The following PCDH15 variants were observed in gnomAD, a reference collection of about 807,000 sequenced individuals.
The protein encoded by PCDH15 is protocadherin related 15.
In PCDH15, 129 loss-of-function variants were observed where a neutral mutation model predicts 178.5. That is an observed-to-expected ratio of 0.72 (90% CI 0.63 to 0.84). The LOEUF (loss-of-function observed/expected upper bound fraction) is 0.84, where lower values mean the gene tolerates loss of function less well. Ranked by LOEUF, PCDH15 falls within the 40% of genes least tolerant of loss-of-function variation. The probability of loss-of-function intolerance (pLI) is 0.00; values close to 1 mark genes in which losing one functional copy is unlikely to be tolerated. For synonymous variants in PCDH15, 800 were observed against 732.0 expected, an observed-to-expected ratio of 1.09 and a Z score of -1.50; for missense variants, 2,230 against 2,099.9, an observed-to-expected ratio of 1.06 and a Z score of -1.21.
intron 3 of PCDH15, among the ~76,000 whole-genome samples, chr10:54,395,589 T>C (rs1951105708): frequency 6.6e-6 from 1 of 151,956 alleles, no homozygotes; most frequent in Admixed American, 6.6e-5. Context: ...TTATGCATCG[T>C]TTTGATTAAA....
At chr10:55,416,794 T>C (rs1450730915) in intron 2 of PCDH15, among the ~76,000 whole-genome samples, 1 of 151,794 alleles carries the variant, frequency 6.6e-6, no homozygotes, top group Non-Finnish European at 1.5e-5. Flanking sequence ...TACAATTTCA[T>C]ATATAGACAT....
At chr10:53,984,172 CAG>C (rs1285174449) in intron 21 of PCDH15, among the ~76,000 whole-genome samples, 2 of 89,452 alleles carry the variant, frequency 2.2e-5, no homozygotes, top group African/African-American at 1.0e-4. Flanking sequence ...TTTTTTGAGG[CAG>C]AGTCTTGCTC....
chr10:54,274,091 C>T (rs1250705100), intron 8 of PCDH15, among the ~76,000 whole-genome samples: 2 of 151,932 alleles, frequency 1.3e-5, no homozygotes, highest in Non-Finnish European at 2.9e-5. Context: ...ATTATGAGAA[C>T]ACATGGACAC....
At chr10:53,961,686 G>T in intron 22 of PCDH15, 66 bp downstream of exon 22, 1 of 1,290,886 alleles carries the variant, frequency 7.7e-7, no homozygotes, top group Non-Finnish European at 1.0e-6. Flanking sequence ...GCTGTCATCT[G>T]TTAAGCCAAA....
chr10:55,444,018 G>T lies in PCDH15; in HGVS notation c.-156+183607C>A, dbSNP rs532037369. Among the ~76,000 whole-genome samples, 5 of 151,906 alleles carry T rather than the reference G, an allele frequency of 3.3e-5. No individual in the cohort carries two copies. In the South Asian group the frequency reaches 1.0e-3, roughly 32 times the overall value. On this transcript the variant is annotated intron_variant, in intron 2 of 5. Coordinates refer to the PCDH15 transcript ENST00000613346. ...ATGAAGCTGGAAACCATCATTCTCT[G>T]CAAACTAACACAGGAACAAAATATC... is the stretch of plus-strand genomic sequence containing the variant.
intron 2 of PCDH15, among the ~76,000 whole-genome samples, chr10:55,017,745 T>C (rs1840218054): frequency 6.6e-6 from 1 of 152,020 alleles, no homozygotes; most frequent in African/African-American, 2.4e-5. Flanking sequence ...AATATAAATA[T>C]ATAACATACA....
At chr10:54,205,516 T>TGTGTGTGTGTGTGTGTGA (rs2050711234) in intron 10 of PCDH15, among the ~76,000 whole-genome samples, 1 of 150,476 alleles carries the variant, frequency 6.6e-6, no homozygotes, top group Non-Finnish European at 1.5e-5. Flanking sequence ...TGTGTGTGTG[T>TGTGTGTGTGTGTGTGTGA]AAAATGTCTT....
At chr10:54,665,884 C>G (rs867558031) in intron 1 of PCDH15, among the ~76,000 whole-genome samples, 1 of 151,838 alleles carries the variant, frequency 6.6e-6, no homozygotes, top group Non-Finnish European at 1.5e-5. Context: ...TCCACACTAA[C>G]CTGTAGAAAA....
intron 1 of PCDH15, among the ~76,000 whole-genome samples, chr10:54,727,002 T>C (rs1036473935): frequency 5.3e-5 from 8 of 151,308 alleles, no homozygotes; most frequent in African/African-American, 1.9e-4. Context: ...GTATTAACAT[T>C]AACCATGGAA....
At chr10:54,364,616 T>C (rs960916667) in intron 5 of PCDH15, among the ~76,000 whole-genome samples, 1 of 152,188 alleles carries the variant, frequency 6.6e-6, no homozygotes, top group African/African-American at 2.4e-5. Context: ...TCCTTGCTTT[T>C]TTTTCTTTAC....
intron 2 of PCDH15, among the ~76,000 whole-genome samples, chr10:54,586,201 T>C (rs909297421): frequency 6.6e-6 from 1 of 152,176 alleles, no homozygotes; most frequent in Non-Finnish European, 1.5e-5. Flanking sequence ...TTTTAAATTT[T>C]TCTGAAAATA....
intron 28 of PCDH15, among the ~76,000 whole-genome samples, chr10:53,851,644 G>A (rs950870213): frequency 2.6e-4 from 36 of 137,436 alleles, no homozygotes; most frequent in South Asian, 2.3e-4. Context: ...TATGCTTCCC[G>A]AGAGACCTTC....
intron 2 of PCDH15, among the ~76,000 whole-genome samples, chr10:55,470,248 C>T (rs1336693201): frequency 4.6e-5 from 7 of 151,802 alleles, no homozygotes; most frequent in Admixed American, 2.0e-4. Flanking sequence ...TACTCGGAGG[C>T]TGAGGCAGAA....
chr10:54,133,096 C>T, intron 14 of PCDH15, 89 bp from the exon 15 acceptor site: 1 of 1,571,730 alleles, frequency 6.4e-7, no homozygotes, highest in African/African-American at 1.4e-5. Flanking sequence ...GTTGGGTTTA[C>T]AGGAGAAAAA....
At chr10:54,771,494 T>C (rs1949088597) in intron 1 of PCDH15, among the ~76,000 whole-genome samples, 2 of 152,134 alleles carry the variant, frequency 1.3e-5, no homozygotes, top group African/African-American at 2.4e-5. Context: ...TAAAATCTAA[T>C]AGTTCAAGCC....
At chr10:54,532,974 T>C (rs943038640) in intron 2 of PCDH15, among the ~76,000 whole-genome samples, 1 of 152,160 alleles carries the variant, frequency 6.6e-6, no homozygotes, top group Non-Finnish European at 1.5e-5. Context: ...TGGTATCCTG[T>C]CCAAGGTGGG....
At position 55,468,700 on chromosome 10, in the gene PCDH15, C is replaced by G. The variant is rs554805019; in HGVS notation, c.-156+158925G>C. ...CTTTAGTGATAACATAATAAAACAC[C>G]TGCTTTAAAAAATATTTGAATTTCA... On this transcript the variant is annotated intron_variant, in intron 2 of 5. Transcript: ENST00000613346. Among the ~76,000 whole-genome samples the G allele has an allele frequency of 6.6e-5, 10 of 152,038 alleles. No homozygotes were observed. In the South Asian group the frequency reaches 1.0e-3, roughly 16 times the overall value.
chr10:54,512,489 CATTTT>C (rs971527325), intron 3 of PCDH15, among the ~76,000 whole-genome samples: 28 of 150,942 alleles, frequency 1.9e-4, no homozygotes, highest in Non-Finnish European at 3.4e-4. Flanking sequence ...CATTACATTT[CATTTT>C]AATTTTTTAA....
In PCDH15 at chr10:55,444,009, T is replaced by G. The variant is rs965715040; in HGVS notation, c.-156+183616A>C. Among the ~76,000 whole-genome samples, 3 of 152,016 alleles carry G rather than the reference T, an allele frequency of 2.0e-5. No homozygotes were observed. The East Asian group carries it at 5.8e-4, about 29-fold the overall frequency. On this transcript the variant is annotated intron_variant, in intron 2 of 5. Transcript: ENST00000613346. Reference sequence around the variant, plus strand: ...GGGAAATGCATGAAGCTGGAAACCATCATTCTCTGCAAACTAACACAGGAA... The same window carrying G: ...GGGAAATGCATGAAGCTGGAAACCAGCATTCTCTGCAAACTAACACAGGAA...
Sources: allele counts gnomAD v4.1 joint callset (sites outside exome capture counted in the v4.1 genomes callset), GRCh38; gene constraint gnomAD v4.1.1; transcripts MANE v1.5; gene names NCBI Gene and HGNC (gene_info 2026-07-23, HGNC 2026-07-21).